Variants in HERC4 observed in about 807,000 individuals in gnomAD.
The protein encoded by HERC4 is probable E3 ubiquitin-protein ligase HERC4.
Under a neutral mutation model 124.3 loss-of-function variants are expected in HERC4, and 28 were observed. That is an observed-to-expected ratio of 0.23 (90% confidence interval 0.17 to 0.31). The LOEUF is 0.31. Ranked by LOEUF, HERC4 falls within the 10% of genes least tolerant of loss-of-function variation. HERC4 has a pLI of 1.00. For synonymous variants in HERC4, 407 were observed against 421.5 expected (o/e 0.97, Z 0.42); for missense variants, 713 against 1,229.3 (o/e 0.58, Z 6.28).
At chr10:67,971,173 C>T (rs967843150) in intron 15 of HERC4, among the ~76,000 whole-genome samples, 11 of 151,870 alleles carry the variant, frequency 7.2e-5, no homozygotes, top group African/African-American at 2.7e-4. Flanking sequence ...AAAGAAAACT[C>T]CAGGGCCAAA....
chr10:68,005,673 CTT>C (rs917004730), intron 9 of HERC4, among the ~76,000 whole-genome samples: 1 of 144,108 alleles, frequency 6.9e-6, no homozygotes. Flanking sequence ...TTTTAATTTC[CTT>C]TTTTTTTTTA....
intron 15 of HERC4, chr10:67,988,254 G>A (rs1404043180): frequency 1.3e-5 from 2 of 152,504 alleles, no homozygotes; most frequent in African/African-American, 4.8e-5. Flanking sequence ...GAGGCCATTA[G>A]TACCCTACAG....
intron 15 of HERC4, among the ~76,000 whole-genome samples, chr10:67,970,633 T>G (rs2035179223): frequency 6.7e-6 from 1 of 149,776 alleles, no homozygotes; most frequent in Admixed American, 6.7e-5. Context: ...AACAAAAAAG[T>G]GTCTAGAGAC....
At chr10:68,022,283 T>A (rs2038671583) in intron 8 of HERC4, among the ~76,000 whole-genome samples, 1 of 152,014 alleles carries the variant, frequency 6.6e-6, no homozygotes, top group Non-Finnish European at 1.5e-5. Context: ...GCGGATCAAC[T>A]GAGGTCGGGA....
intron 8 of HERC4, among the ~76,000 whole-genome samples, chr10:68,024,216 T>C (rs1490223877): frequency 2.0e-5 from 3 of 152,116 alleles, no homozygotes; most frequent in African/African-American, 4.8e-5. Context: ...GAAATGTATA[T>C]TCAAATTATG....
chr10:68,022,008 A>G (rs2038654315), intron 8 of HERC4, among the ~76,000 whole-genome samples: 1 of 152,222 alleles, frequency 6.6e-6, no homozygotes, highest in Non-Finnish European at 1.5e-5. Flanking sequence ...AACAATGAAC[A>G]ATTTGGAAGG....
chr10:67,963,821 A>G (rs2034680757), intron 16 of HERC4, among the ~76,000 whole-genome samples: 1 of 152,150 alleles, frequency 6.6e-6, no homozygotes, highest in Non-Finnish European at 1.5e-5. Flanking sequence ...AATAAATTAA[A>G]TCTCTTTTAT....
intron 19 of HERC4, among the ~76,000 whole-genome samples, chr10:67,947,454 T>A (rs1008387622): frequency 1.3e-5 from 2 of 152,116 alleles, no homozygotes; most frequent in African/African-American, 4.8e-5. Flanking sequence ...CCAAAATATA[T>A]AAGGCAAAAG....
At chr10:68,033,257 A>G (rs1378834707) in intron 6 of HERC4, among the ~76,000 whole-genome samples, 2 of 152,226 alleles carry the variant, frequency 1.3e-5, no homozygotes, top group Non-Finnish European at 2.9e-5. Context: ...GTTTTGTAGC[A>G]GAAAAGATAC....
chr10:68,052,727 T>C (rs2040376497), intron 3 of HERC4, among the ~76,000 whole-genome samples: 1 of 152,208 alleles, frequency 6.6e-6, no homozygotes, highest in African/African-American at 2.4e-5. Flanking sequence ...CAATTCATTG[T>C]GTAAGAGTTC....
Position 68,044,455 on chromosome 10 carries a change from G to C in HERC4, c.335C>G (p.Ser112Cys). ...KGQVYAWGLD[S>C]DGQLGLVGSE... ...TCCTACCAGGCCAAGCTGTCCATCA[G>C]AATCGAGACCCCAAGCATACACCTG... is the stretch of plus-strand genomic sequence containing the variant. The change falls in exon 4 of 25, where the codon TCT becomes TGT. Residue 112 changes from serine (S) to cysteine (C), a missense_variant. Physicochemically the swap from Ser to Cys is moderately radical, Grantham distance 112 (BLOSUM62 -1). Transcript: ENST00000373700. The C allele has an allele frequency of 6.2e-7, 1 of 1,614,088 alleles. No homozygotes were observed. Among genetic ancestry groups the C allele is most frequent in the Non-Finnish European group, 8.5e-7 (1 of 1,180,014 alleles).
At chr10:68,003,214 T>C (rs1472443708) in intron 9 of HERC4, among the ~76,000 whole-genome samples, 1 of 151,874 alleles carries the variant, frequency 6.6e-6, no homozygotes, top group South Asian at 2.1e-4. Context: ...TCGAGTGCAG[T>C]GGCTCACTTG....
At chr10:68,025,048 C>T (rs886345055) in intron 8 of HERC4, among the ~76,000 whole-genome samples, 2 of 152,056 alleles carry the variant, frequency 1.3e-5, no homozygotes, top group Admixed American at 1.3e-4. Context: ...ATAATGAGAC[C>T]TTGTTGCTAC....
intron 3 of HERC4, among the ~76,000 whole-genome samples, chr10:68,057,451 C>T (rs1247711248): frequency 6.6e-6 from 1 of 151,858 alleles, no homozygotes; most frequent in African/African-American, 2.4e-5. Flanking sequence ...TGGTGAAACC[C>T]TGTCTCTGCT....
At chr10:67,976,867 C>T (rs562553356) in intron 15 of HERC4, among the ~76,000 whole-genome samples, 17 of 152,334 alleles carry the variant, frequency 1.1e-4, no homozygotes, top group African/African-American at 4.1e-4. Context: ...CCAGCCCTAG[C>T]CAGAGGGGAA....
chr10:67,934,506 G>T (rs1398678753), intron 22 of HERC4, among the ~76,000 whole-genome samples: 2 of 152,046 alleles, frequency 1.3e-5, no homozygotes, highest in African/African-American at 4.8e-5. Flanking sequence ...GGTGGTGGTG[G>T]TTGTTTTTTT....
rs57454971 is a variant in HERC4 at position 67,974,073 on chromosome 10, TACACACACACAC to T, written c.1807-7283_1807-7272del. On this transcript the variant is annotated intron_variant, in intron 15 of 24. Transcript: ENST00000373700. ...AAAAAAAAAAAAAAAAAAATTACTG[TACACACACACAC>T]ACACACACACACACACACACACACA... 4.0e-3 allele frequency among the ~76,000 whole-genome samples: 388 copies of T among 96,026 alleles called. 5 individuals are homozygous for T. The highest frequency in any genetic ancestry group is 0.011 in the African/African-American group (267 of 24,280). 63.0% of individuals were successfully genotyped at this position (96,026 alleles called of 152,430 possible).
At chr10:68,033,750 T>C (rs1399076990) in intron 6 of HERC4, among the ~76,000 whole-genome samples, 3 of 152,212 alleles carry the variant, frequency 2.0e-5, no homozygotes, top group Non-Finnish European at 4.4e-5. Context: ...ATACTAAACA[T>C]TTTGTCCAGA....
At chr10:68,049,894 G>C (rs138043413) in intron 3 of HERC4, among the ~76,000 whole-genome samples, 1 of 152,024 alleles carries the variant, frequency 6.6e-6, no homozygotes, top group African/African-American at 2.4e-5. Flanking sequence ...CTGGGAGATA[G>C]TAAGACGGTC....
Sources: gnomAD v4.1 joint callset for allele counts (sites outside exome capture counted in the v4.1 genomes callset) on GRCh38, gnomAD v4.1.1 for gene constraint, MANE v1.5 for transcripts, NCBI Gene and HGNC (gene_info 2026-07-23, HGNC 2026-07-21) for gene names.